Variants in UMODL1 observed in about 807,000 individuals in gnomAD.
The protein encoded by UMODL1 is uromodulin-like 1.
In UMODL1, 128 loss-of-function variants were observed where a neutral mutation model predicts 136.3. The ratio of observed to expected loss-of-function variants is 0.94; its 90% confidence interval spans 0.81 to 1.09. UMODL1 has a LOEUF of 1.09. UMODL1 is among the 50% of genes least tolerant of loss of function. The probability of loss-of-function intolerance (pLI) is 0.00; values close to 1 mark genes in which losing one functional copy is unlikely to be tolerated. For missense variants in UMODL1, 1,766 were observed against 1,725.6 expected (o/e 1.02, Z -0.41); for synonymous variants, 721 against 720.0 (o/e 1.00, Z -0.02).
chr21:42,116,051 T>A, intron 14 of UMODL1, 66 bp downstream of exon 14: 2 of 1,403,430 alleles, frequency 1.4e-6, no homozygotes, highest in Admixed American at 1.7e-5. Flanking sequence ...GATAGAATTC[T>A]AGGTTAGGCA....
chr21:42,088,748 C>T (rs1188635350), intron 5 of UMODL1, among the ~76,000 whole-genome samples: 4 of 151,756 alleles, frequency 2.6e-5, no homozygotes, highest in Non-Finnish European at 4.4e-5. Context: ...TTCCCTCCAT[C>T]TCTCCTCGGA....
intron 9 of UMODL1, chr21:42,108,178 A>G (rs2066750180): frequency 7.0e-6 from 3 of 427,808 alleles, no homozygotes; most frequent in Middle Eastern, 6.1e-4. Context: ...CAAAATAGAC[A>G]TCAGGTGCTT....
intron 6 of UMODL1, 142 bp from the exon 7 acceptor site, chr21:42,098,784 A>T (rs1251392836): frequency 7.6e-7 from 1 of 1,314,960 alleles, no homozygotes; most frequent in African/African-American, 1.5e-5. Context: ...AAAACAAAAA[A>T]TAGCCAGTGC....
chr21:42,103,267 T>G lies in UMODL1; in HGVS notation c.1300-601T>G, dbSNP rs961301548. 10 of 215,574 alleles carry G rather than the reference T, an allele frequency of 4.6e-5. No homozygotes were observed. The South Asian group carries it at 8.1e-4, about 17-fold the overall frequency. 13.4% of individuals were successfully genotyped at this position (215,574 alleles called of 1,614,324 possible). A position where few individuals can be genotyped will look rare whatever the true frequency, so the allele number is the denominator to read the frequency against. On this transcript the variant is annotated intron_variant, in intron 8 of 22. Transcript: ENST00000408910. ...CCACAGAGTGTTGCTTCCCAACATT[T>G]GCCTGGAGGAGGAATCTGGTTTTCA...
At chr21:42,070,985 G>A (rs1311183760), upstream of UMODL1, among the ~76,000 whole-genome samples, 1 of 152,212 alleles carries the variant, frequency 6.6e-6, no homozygotes, top group Non-Finnish European at 1.5e-5. Flanking sequence ...TGTGTTTTCT[G>A]CGTAACAACG....
chr21:42,110,093 C>T (rs1274193484), intron 10 of UMODL1, among the ~76,000 whole-genome samples: 1 of 149,444 alleles, frequency 6.7e-6, no homozygotes, highest in Non-Finnish European at 1.5e-5. Context: ...GGCCTGGAGC[C>T]CGAGACAGTG....
At position 42,111,617 on chromosome 21, in the gene UMODL1, C is replaced by A; in HGVS notation, c.2011C>A (p.Pro671Thr). ...TTCCACCCGGGAAACACTTCTGAAT[C>A]CCACGTGGCTGCGAAATGAGGACAG... ...TRSTRETLLNPTWLRNEDSGP... is the reference protein window; with the variant it reads ...TRSTRETLLNTTWLRNEDSGP... The change falls in exon 12 of 23, where the codon CCC becomes ACC. Residue 671 changes from proline (P) to threonine (T), a missense_variant. By Grantham distance (38) the Pro-to-Thr change is conservative. Transcript: ENST00000408910. 6.2e-7 allele frequency: 1 copy of A among 1,614,136 alleles called. No homozygotes were observed. Among genetic ancestry groups the A allele is most frequent in the Non-Finnish European group, 8.5e-7 (1 of 1,180,000 alleles).
At chr21:42,112,385 C>T (rs1320534928) in intron 12 of UMODL1, among the ~76,000 whole-genome samples, 1 of 151,768 alleles carries the variant, frequency 6.6e-6, no homozygotes, top group Non-Finnish European at 1.5e-5. Flanking sequence ...TCTGCACCCC[C>T]AGTTGTTCTG....
chr21:42,083,525 C>A (rs2066387419), intron 2 of UMODL1, among the ~76,000 whole-genome samples: 2 of 152,342 alleles, frequency 1.3e-5, no homozygotes, highest in South Asian at 4.1e-4. Context: ...GCTCCGAGCT[C>A]CCCTCTGCCC....
chr21:42,098,856 T>C (rs1467533261), intron 6 of UMODL1, 70 bp from the exon 7 acceptor site: 2 of 1,578,132 alleles, frequency 1.3e-6, no homozygotes, highest in Non-Finnish European at 1.7e-6. Flanking sequence ...TGAGGCTCTG[T>C]TACCTGCTTC....
rs376777980 is a variant in UMODL1 at position 42,127,711 on chromosome 21, C to T, written c.3570C>T (p.Asn1190=). Residue 1190 remains asparagine (N), a synonymous_variant, in exon 20 of 23, where the codon AAC becomes AAT. Transcript: ENST00000408910. ...ACACATACACCAACGTGATTGAGAA[C>T]GGCAACTCCAATAAGGCCCAGTTCA... ...VPNTYTNVIE[N]GNSNKAQFKL... The T allele has an allele frequency of 7.0e-5, 113 of 1,614,184 alleles. No homozygotes were observed. Among genetic ancestry groups the T allele is most frequent in the Admixed American group, 2.8e-4 (17 of 60,016 alleles).
chr21:42,087,042 T>G (rs1040970879), intron 4 of UMODL1, among the ~76,000 whole-genome samples: 2 of 152,170 alleles, frequency 1.3e-5, no homozygotes, highest in African/African-American at 4.8e-5. Flanking sequence ...AAATCATACA[T>G]GTAAAGAGCT....
upstream of UMODL1, among the ~76,000 whole-genome samples, chr21:42,066,357 A>G (rs1207901521): frequency 1.3e-5 from 2 of 152,222 alleles, no homozygotes; most frequent in Non-Finnish European, 2.9e-5. Flanking sequence ...ATCTCGGCTC[A>G]CTGCAACCTC....
At chr21:42,087,844 G>A (rs746383965) in intron 4 of UMODL1, among the ~76,000 whole-genome samples, 10 of 152,190 alleles carry the variant, frequency 6.6e-5, no homozygotes, top group South Asian at 2.1e-4. Context: ...AGGCCCCCAG[G>A]CCTCTCTCCT....
In UMODL1 at chr21:42,111,618, C is replaced by T. The variant is rs1300139215; in HGVS notation, c.2012C>T (p.Pro671Leu). 1 of 1,614,128 alleles carries T rather than the reference C, an allele frequency of 6.2e-7. No individual in the cohort carries two copies. Among genetic ancestry groups the T allele is most frequent in the African/African-American group, 1.3e-5 (1 of 75,044 alleles). The change falls in exon 12 of 23, where the codon CCC becomes CTC. Residue 671 changes from proline (P) to leucine (L), a missense_variant. By Grantham distance (98) the Pro-to-Leu change is moderately conservative. Transcript: ENST00000408910. ...TRSTRETLLN[P>L]TWLRNEDSGP... ...TCCACCCGGGAAACACTTCTGAATC[C>T]CACGTGGCTGCGAAATGAGGACAGT... is the stretch of plus-strand genomic sequence containing the variant.
In UMODL1 at chr21:42,126,380, G is replaced by A; in HGVS notation, c.3183G>A (p.Arg1061=). The A allele has an allele frequency of 6.2e-7, 1 of 1,614,192 alleles. No individual in the cohort carries two copies. The highest frequency in any genetic ancestry group is 8.5e-7 in the Non-Finnish European group (1 of 1,180,032). Residue 1061 remains arginine, a synonymous_variant, in exon 18 of 23, where the codon AGG becomes AGA. Transcript: ENST00000408910. The part of the protein sequence containing the change: ...MTNTVVRTTL[R]NDLSQEGIIH... ...ACACCGTGGTGAGGACCACGCTGAG[G>A]AACGACCTGTCCCAGGAGGGCATCA... is the stretch of plus-strand genomic sequence containing the variant.
At position 42,076,144 on chromosome 21, in the gene UMODL1, G is replaced by A. The variant is rs769539952; in HGVS notation, c.216G>A (p.Lys72=). The change falls in exon 2 of 23, where the codon AAG becomes AAA. Residue 72 remains lysine (K), a synonymous_variant. Coordinates refer to ENST00000408910, the MANE Select transcript of UMODL1 (RefSeq NM_001004416.3). The part of the protein sequence containing the change: ...GGWIPWRRCP[K]MVYRTQYLVV... The stretch of plus-strand genomic sequence containing the variant: ...GGATCCCCTGGAGGCGGTGCCCTAA[G>A]ATGGTTTACCGGACACAGTACCTGG... 3.1e-6 allele frequency: 5 copies of A among 1,614,148 alleles called. No individual in the cohort carries two copies. The South Asian group carries it at 4.4e-5, about 14-fold the overall frequency.
chr21:42,063,640 C>T (rs1330438758), intron 1 of UMODL1, among the ~76,000 whole-genome samples: 2 of 152,206 alleles, frequency 1.3e-5, no homozygotes, highest in African/African-American at 2.4e-5. Flanking sequence ...GCCTCAGACC[C>T]CCTGGAGGAA....
At chr21:42,104,129 C>G (rs1248707374) in intron 9 of UMODL1, 42 bp downstream of exon 9, 1 of 1,558,440 alleles carries the variant, frequency 6.4e-7, no homozygotes, top group Non-Finnish European at 8.7e-7. Flanking sequence ...TGTCCTCCAG[C>G]TCAGAAATCC....
Sources: allele counts gnomAD v4.1 joint callset (sites outside exome capture counted in the v4.1 genomes callset), GRCh38; gene constraint gnomAD v4.1.1; transcripts MANE v1.5; gene names NCBI Gene and HGNC (gene_info 2026-07-23, HGNC 2026-07-21).